OLA1: variants seen among roughly 807,000 people sequenced by gnomAD.
The protein encoded by OLA1 is obg-like ATPase 1.
In OLA1, 14 loss-of-function variants were observed where a neutral mutation model predicts 48.4. The observed-to-expected ratio is 0.29, with a 90% CI of 0.19 to 0.45. The LOEUF (loss-of-function observed/expected upper bound fraction) is 0.45, where lower values mean the gene tolerates loss of function less well. Ranked by LOEUF, OLA1 falls within the 20% of genes least tolerant of loss-of-function variation. The probability of loss-of-function intolerance (pLI) is 1.00; values close to 1 mark genes in which losing one functional copy is unlikely to be tolerated. For missense variants in OLA1, 325 were observed against 467.1 expected (o/e 0.70, Z 2.80); for synonymous variants, 127 against 150.4 (o/e 0.84, Z 1.14).
intron 4 of OLA1, among the ~76,000 whole-genome samples, chr2:174,195,239 CAA>C (rs35255060): frequency 1.1e-4 from 17 of 150,776 alleles, no homozygotes; most frequent in African/African-American, 3.4e-4. Context: ...TTACTATGCT[CAA>C]AAAAAAAATC....
intron 4 of OLA1, among the ~76,000 whole-genome samples, chr2:174,177,575 T>G (rs983028906): frequency 7.9e-5 from 12 of 152,124 alleles, no homozygotes; most frequent in Admixed American, 3.9e-4. Flanking sequence ...CTTCTTAGAC[T>G]GCTTGGAACA....
intron 4 of OLA1, among the ~76,000 whole-genome samples, chr2:174,175,065 G>A (rs576509079): frequency 1.1e-4 from 17 of 151,928 alleles, no homozygotes; most frequent in Non-Finnish European, 1.8e-4. Context: ...CATCTGTATG[G>A]AAGAAAATTA....
At chr2:174,239,999 T>C (rs1467395506) in intron 2 of OLA1, 6 of 152,210 alleles carry the variant, frequency 3.9e-5, no homozygotes, top group Admixed American at 3.9e-4. Flanking sequence ...GTTTATTTCC[T>C]GATTTTGATC....
intron 4 of OLA1, among the ~76,000 whole-genome samples, chr2:174,186,732 C>G (rs973474591): frequency 3.9e-5 from 6 of 152,018 alleles, no homozygotes; most frequent in African/African-American, 1.5e-4. Flanking sequence ...GGAAAAAAGG[C>G]CTGCAGATGC....
chr2:174,123,465 G>T, intron 6 of OLA1, 130 bp downstream of exon 6: 1 of 632,932 alleles, frequency 1.6e-6, no homozygotes. Flanking sequence ...AACAAGCCCA[G>T]GAATAAGCAA....
At chr2:174,230,964 C>A (rs1688716631) in intron 2 of OLA1, among the ~76,000 whole-genome samples, 1 of 152,166 alleles carries the variant, frequency 6.6e-6, no homozygotes, top group African/African-American at 2.4e-5. Context: ...CCATTCTGGG[C>A]AAAAGAAGGA....
chr2:174,206,233 G>A (rs1231863066), intron 4 of OLA1, among the ~76,000 whole-genome samples: 1 of 152,058 alleles, frequency 6.6e-6, no homozygotes, highest in African/African-American at 2.4e-5. Context: ...AGAAAAATGA[G>A]GTTCAAACTT....
rs1389651021 is a variant in OLA1, at chr2:174,158,873, ACAG to A, written c.374-16876_374-16874del. On this transcript the variant is annotated intron_variant, in intron 4 of 10. Coordinates refer to ENST00000284719, the MANE Select transcript of OLA1 (RefSeq NM_013341.5). ...TCCTCTAAGAATCACCTCAAATTTTACAGTAAAAGACTTCATGGCAAACTTATT... is the reference window on the plus strand; with the variant it reads ...TCCTCTAAGAATCACCTCAAATTTTATAAAAGACTTCATGGCAAACTTATT... 2.0e-5 allele frequency among the ~76,000 whole-genome samples: 3 copies of A among 152,188 alleles called. No homozygotes were observed. The East Asian group carries it at 5.8e-4, about 29-fold the overall frequency.
At chr2:174,215,956 G>A (rs998157936) in intron 4 of OLA1, among the ~76,000 whole-genome samples, 1 of 151,968 alleles carries the variant, frequency 6.6e-6, no homozygotes, top group African/African-American at 2.4e-5. Context: ...ATCCCTTGAG[G>A]TTCCTGCATA....
At chr2:174,084,414 G>C (rs1476229377) in intron 7 of OLA1, among the ~76,000 whole-genome samples, 1 of 152,204 alleles carries the variant, frequency 6.6e-6, no homozygotes, top group Non-Finnish European at 1.5e-5. Context: ...AAGATGAAAA[G>C]TGAGTGAGGT....
chr2:174,241,785 G>A (rs186293346), intron 2 of OLA1, among the ~76,000 whole-genome samples: 4 of 152,268 alleles, frequency 2.6e-5, no homozygotes, highest in Admixed American at 1.3e-4. Flanking sequence ...AGAGGCGTGC[G>A]CCACCACACC....
chr2:174,247,203 A>C (rs544729072), intron 1 of OLA1: 1 of 164,524 alleles, frequency 6.1e-6, no homozygotes, highest in Non-Finnish European at 1.3e-5. Flanking sequence ...TCTACTAAAA[A>C]GAAAAACAAA....
intron 4 of OLA1, among the ~76,000 whole-genome samples, chr2:174,192,947 G>T (rs1687805165): frequency 6.6e-6 from 1 of 152,004 alleles, no homozygotes; most frequent in Admixed American, 6.6e-5. Context: ...TAAGCAGCTT[G>T]AATACTACAT....
rs147948755 is a variant in OLA1, at chr2:174,133,676, C to A, written c.549+8149G>T. Among the ~76,000 whole-genome samples the A allele has an allele frequency of 1.4e-3, 215 of 152,260 alleles. 1 individual carries two copies. The East Asian group carries it at 0.014, about 10-fold the overall frequency. On this transcript the variant is annotated intron_variant, in intron 5 of 10. Coordinates refer to ENST00000284719, the MANE Select transcript of OLA1 (RefSeq NM_013341.5). ...CAATACTTTCAACTTATGGTGTAAC[C>A]CCAACGTAAGTCCAGGAGCATCTGT...
intron 4 of OLA1, among the ~76,000 whole-genome samples, chr2:174,142,382 G>A (rs1397269481): frequency 2.0e-5 from 3 of 152,144 alleles, no homozygotes; most frequent in South Asian, 2.1e-4. Flanking sequence ...TTAGGGAGGG[G>A]GGGTCTGAAA....
Position 174,113,408 on chromosome 2 carries a change from C to T in OLA1, c.728+9772G>A, listed in dbSNP as rs146401737. On this transcript the variant is annotated intron_variant, in intron 7 of 10. Transcript: ENST00000284719. ...GGCAATTTCATATAATTTTTAATTT[C>T]GGTTTCAATAAGAGCCATTGTATTT... 3.7e-4 allele frequency among the ~76,000 whole-genome samples: 57 copies of T among 152,096 alleles called. 1 individual carries two copies. In the East Asian group the frequency reaches 8.3e-3, roughly 22 times the overall value.
At chr2:174,214,841 G>A (rs1038737768) in intron 4 of OLA1, among the ~76,000 whole-genome samples, 1 of 152,074 alleles carries the variant, frequency 6.6e-6, no homozygotes, top group African/African-American at 2.4e-5. Context: ...CCTGAGGTCA[G>A]GAGTTCGAGA....
At chr2:174,247,392 A>G (rs922651565) in intron 1 of OLA1, 1 of 317,096 alleles carries the variant, frequency 3.2e-6, no homozygotes, top group African/African-American at 2.1e-5. Flanking sequence ...ATAAATAAAT[A>G]AAATATTTGT....
At chr2:174,155,010 A>C (rs1168142502) in intron 4 of OLA1, among the ~76,000 whole-genome samples, 5 of 152,144 alleles carry the variant, frequency 3.3e-5, no homozygotes, top group African/African-American at 1.2e-4. Flanking sequence ...TCATGGCCTT[A>C]ATGAAATGTC....
Sources: gnomAD v4.1 joint callset for allele counts (sites outside exome capture counted in the v4.1 genomes callset) on GRCh38, gnomAD v4.1.1 for gene constraint, MANE v1.5 for transcripts, NCBI Gene and HGNC (gene_info 2026-07-23, HGNC 2026-07-21) for gene names.